Variants in IGSF10 observed in about 807,000 individuals in gnomAD.
IGSF10 encodes the protein immunoglobulin superfamily member 10, also known as calvaria mechanical force protein 608.
Under a neutral mutation model 128.2 loss-of-function variants are expected in IGSF10, and 126 were observed. That is an observed-to-expected ratio of 0.98 (90% CI 0.85 to 1.14). The LOEUF is 1.14. IGSF10 is among the 50% of genes most tolerant of loss of function. IGSF10 has a pLI of 0.00. For synonymous variants in IGSF10, 1,185 were observed against 1,146.2 expected (o/e 1.03, Z -0.68); for missense variants, 3,295 against 3,149.8 (o/e 1.05, Z -1.10).
the IGSF10 span, among the ~76,000 whole-genome samples, chr3:151,520,165 T>G: frequency 5.8e-4 from 88 of 151,950 alleles, no homozygotes; most frequent in African/African-American, 2.0e-3. Context: ...ATTCAGGATT[T>G]TATTTTATTG....
Position 151,448,262 on chromosome 3 carries a change from G to A in IGSF10, c.1719C>T (p.Val573=), listed in dbSNP as rs193019990. Residue 573 remains valine, a synonymous_variant, in exon 6 of 8, where the codon GTC becomes GTT. Coordinates refer to ENST00000282466, the MANE Select transcript of IGSF10 (RefSeq NM_178822.5). The stretch of plus-strand genomic sequence containing the variant: ...GAATCCCATTTTCCTGATAGGCTTC[G>A]ACCAAAGGTTCTACCACAGTTATCC... ...TYRITVVEPL[V]EAYQENGIHH... 11 of 1,614,148 alleles carry A rather than the reference G, an allele frequency of 6.8e-6. No individual in the cohort carries two copies. The highest frequency in any genetic ancestry group is 3.3e-5 in the Admixed American group (2 of 60,026).
the IGSF10 span, among the ~76,000 whole-genome samples, chr3:151,603,669 G>T: frequency 6.6e-6 from 1 of 152,220 alleles, no homozygotes; most frequent in African/African-American, 2.4e-5. Context: ...AAGATCTACA[G>T]TGTGAGTTGG....
At chr3:151,526,056 T>TC in the IGSF10 span, among the ~76,000 whole-genome samples, 1 of 152,182 alleles carries the variant, frequency 6.6e-6, no homozygotes, top group East Asian at 1.9e-4. Flanking sequence ...CCAAGGCCCC[T>TC]CATCACTGAG....
the IGSF10 span, among the ~76,000 whole-genome samples, chr3:151,497,203 G>T: frequency 2.6e-5 from 4 of 152,018 alleles, no homozygotes; most frequent in African/African-American, 7.2e-5. Context: ...GTCAATTTTG[G>T]CTTTTGTTGC....
chr3:151,608,494 A>G, the IGSF10 span, among the ~76,000 whole-genome samples: 5 of 152,208 alleles, frequency 3.3e-5, no homozygotes, highest in Admixed American at 2.6e-4. Flanking sequence ...GTTGTTGTCC[A>G]TAGTTTATGC....
chr3:151,538,712 C>A, the IGSF10 span, among the ~76,000 whole-genome samples: 130,458 of 152,172 alleles, frequency 0.86, 56,130 homozygotes, highest in Middle Eastern at 0.95. Context: ...GCTTTAAGAA[C>A]ATTACTCTTT....
At chr3:151,575,392 T>A in the IGSF10 span, among the ~76,000 whole-genome samples, 2 of 152,076 alleles carry the variant, frequency 1.3e-5, no homozygotes, top group Admixed American at 1.3e-4. Context: ...AGTTCGAGCT[T>A]CCCGGTCGCT....
Position 151,445,455 on chromosome 3 carries a change from G to A in IGSF10, c.4526C>T (p.Ser1509Leu). The change falls in exon 6 of 8, where the codon TCA (serine) becomes TTA (leucine). Residue 1509 changes from serine to leucine, a missense_variant. Physicochemically the swap from Ser to Leu is moderately radical, Grantham distance 145. Transcript: ENST00000282466. ...TTGCTGTGGTTTAGCATTGTGCCTT[G>A]AGGATTCGTGCAGCTTGACCACTGT... ...TNTVVKLHES[S>L]RHNAKPQQLV... The A allele has an allele frequency of 6.2e-7, 1 of 1,614,198 alleles. No homozygotes were observed. The highest frequency in any genetic ancestry group is 8.5e-7 in the Non-Finnish European group (1 of 1,180,040).
chr3:151,614,679 G>C, the IGSF10 span, among the ~76,000 whole-genome samples: 1 of 152,048 alleles, frequency 6.6e-6, no homozygotes, highest in African/African-American at 2.4e-5. Flanking sequence ...TGTGGGGTGG[G>C]GAGAGGGGGG....
At chr3:151,477,072 G>T in the IGSF10 span, among the ~76,000 whole-genome samples, 2 of 152,164 alleles carry the variant, frequency 1.3e-5, no homozygotes, top group Non-Finnish European at 2.9e-5. Flanking sequence ...TTGTACTAAC[G>T]TTGGTTGTAA....
chr3:151,587,041 T>C, the IGSF10 span, among the ~76,000 whole-genome samples: 1 of 152,182 alleles, frequency 6.6e-6, no homozygotes, highest in African/African-American at 2.4e-5. Flanking sequence ...TCCTGTTTTA[T>C]AGCATTTGTT....
chr3:151,447,771 A>T lies in IGSF10; in HGVS notation c.2210T>A (p.Phe737Tyr). 4 of 1,611,818 alleles carry T rather than the reference A, an allele frequency of 2.5e-6. No homozygotes were observed. Among genetic ancestry groups the T allele is most frequent in the Non-Finnish European group, 3.4e-6 (4 of 1,178,232 alleles). ...AGGGAAATGCCTCCTATTCTCCCTA[A>T]AACGTCGATGTGTTGAATCTCCACG... Reference protein sequence around the residue: ...QRRGDSTHRRFRENRRHFPPS... With the variant: ...QRRGDSTHRRYRENRRHFPPS... The change falls in exon 6 of 8, where the codon TTT (phenylalanine) becomes TAT (tyrosine). Residue 737 changes from phenylalanine (F) to tyrosine (Y), a missense_variant. Coordinates refer to ENST00000282466, the MANE Select transcript of IGSF10 (RefSeq NM_178822.5).
the IGSF10 span, among the ~76,000 whole-genome samples, chr3:151,560,802 G>A: frequency 2.0e-5 from 3 of 152,126 alleles, no homozygotes; most frequent in East Asian, 1.9e-4. Flanking sequence ...ACTCTGTGGT[G>A]TGTTGTTTGT....
chr3:151,570,007 A>G, the IGSF10 span, among the ~76,000 whole-genome samples: 1 of 151,934 alleles, frequency 6.6e-6, no homozygotes, highest in Non-Finnish European at 1.5e-5. Flanking sequence ...CCTTGTGATA[A>G]GTTTGCTGAG....
chr3:151,515,417 A>G, the IGSF10 span, among the ~76,000 whole-genome samples: 7 of 142,424 alleles, frequency 4.9e-5, no homozygotes, highest in African/African-American at 1.6e-4. Context: ...GGAATTGAAC[A>G]ATGAGAACAC....
the IGSF10 span, among the ~76,000 whole-genome samples, chr3:151,607,531 T>C: frequency 6.6e-6 from 1 of 151,996 alleles, no homozygotes; most frequent in East Asian, 1.9e-4. Context: ...CAATTTTAGG[T>C]AAAATTGGGA....
At chr3:151,549,343 C>T in the IGSF10 span, among the ~76,000 whole-genome samples, 1 of 152,190 alleles carries the variant, frequency 6.6e-6, no homozygotes, top group Non-Finnish European at 1.5e-5. Context: ...CTCTATTTTA[C>T]ACTCCAGAGA....
chr3:151,449,026 T>G lies in IGSF10; in HGVS notation c.955A>C (p.Asn319His), dbSNP rs1392903101. The G allele has an allele frequency of 1.2e-6, 2 of 1,614,070 alleles. No individual in the cohort carries two copies. Among genetic ancestry groups the G allele is most frequent in the African/African-American group, 2.7e-5 (2 of 74,922 alleles). ...FMAPFGSLTL[N>H]MTDQSGNEAN... The stretch of plus-strand genomic sequence containing the variant: ...TCATTTCCAGACTGATCTGTCATAT[T>G]CAAAGTGAGGGAGCCAAAGGGTGCC... The change falls in exon 6 of 8, where the codon AAT becomes CAT. Residue 319 changes from asparagine (N) to histidine (H), a missense_variant. Physicochemically the swap from Asn to His is moderately conservative, Grantham distance 68. Coordinates refer to ENST00000282466, the MANE Select transcript of IGSF10 (RefSeq NM_178822.5).
chr3:151,574,812 A>T, the IGSF10 span, among the ~76,000 whole-genome samples: 1 of 151,992 alleles, frequency 6.6e-6, no homozygotes, highest in Non-Finnish European at 1.5e-5. Flanking sequence ...TGGTTTTTAG[A>T]ATTTTCAGCT....
Sources: gnomAD v4.1 joint callset for allele counts (sites outside exome capture counted in the v4.1 genomes callset) on GRCh38, gnomAD v4.1.1 for gene constraint, MANE v1.5 for transcripts, NCBI Gene and HGNC (gene_info 2026-07-23, HGNC 2026-07-21) for gene names.